Variants in SMYD3 observed in about 807,000 individuals in gnomAD.
SMYD3 encodes SET and MYND domain containing 3, also known as histone-lysine N-methyltransferase SMYD3.
Under a neutral mutation model 57.7 loss-of-function variants are expected in SMYD3, and 36 were observed. The observed-to-expected ratio is 0.62, with a 90% CI of 0.48 to 0.82. The LOEUF is 0.82. SMYD3 is among the 40% of genes least tolerant of loss of function. The probability of loss-of-function intolerance (pLI) is 0.00; values close to 1 mark genes in which losing one functional copy is unlikely to be tolerated. For missense variants in SMYD3, 515 were observed against 538.8 expected, an observed-to-expected ratio of 0.96 and a Z score of 0.44; for synonymous variants, 211 against 195.0, an observed-to-expected ratio of 1.08 and a Z score of -0.68.
chr1:245,961,044 T>C (rs541042371), intron 5 of SMYD3, among the ~76,000 whole-genome samples: 2 of 152,336 alleles, frequency 1.3e-5, no homozygotes, highest in South Asian at 2.1e-4. Context: ...AATTCTTCCA[T>C]ATGCCTTAAA....
At chr1:245,880,442 T>C (rs10924374) in intron 8 of SMYD3, among the ~76,000 whole-genome samples, 92,079 of 152,130 alleles carry the variant, frequency 0.61, 30,717 homozygotes, top group Non-Finnish European at 0.77. Context: ...TTGGTAGGAA[T>C]CATTTTCCTT....
intron 8 of SMYD3, among the ~76,000 whole-genome samples, chr1:245,886,295 G>C (rs1431731916): frequency 6.6e-6 from 1 of 151,954 alleles, no homozygotes; most frequent in Non-Finnish European, 1.5e-5. Context: ...ATCAAAACAA[G>C]AGAAAGAGAA....
chr1:245,772,350 C>T (rs1023940606), intron 10 of SMYD3, among the ~76,000 whole-genome samples: 3 of 152,202 alleles, frequency 2.0e-5, no homozygotes, highest in African/African-American at 7.2e-5. Flanking sequence ...AGGTCCTTCA[C>T]TCAAAAGGTG....
chr1:246,225,661 T>C (rs1443792802), intron 5 of SMYD3, among the ~76,000 whole-genome samples: 2 of 152,184 alleles, frequency 1.3e-5, no homozygotes, highest in African/African-American at 4.8e-5. Context: ...CCTTCTTTGT[T>C]TTCCTCTTCG....
intron 5 of SMYD3, among the ~76,000 whole-genome samples, chr1:246,265,986 C>T (rs1202535625): frequency 6.6e-6 from 1 of 152,130 alleles, no homozygotes; most frequent in Non-Finnish European, 1.5e-5. Flanking sequence ...CTTGTATTTG[C>T]TATTACAAAA....
At chr1:246,007,815 C>T (rs200647119) in intron 5 of SMYD3, among the ~76,000 whole-genome samples, 1 of 138,338 alleles carries the variant, frequency 7.2e-6, no homozygotes, top group Non-Finnish European at 1.6e-5. Context: ...AGACCCTGAC[C>T]AAAAAAAAAA....
chr1:246,017,976 C>T (rs2059405338), intron 5 of SMYD3, among the ~76,000 whole-genome samples: 1 of 152,172 alleles, frequency 6.6e-6, no homozygotes, highest in African/African-American at 2.4e-5. Context: ...AACAAGAAGA[C>T]ATCCCAGGCT....
In SMYD3 at chr1:245,817,102, A is replaced by G. The variant is rs577475376; in HGVS notation, c.1076+41394T>C. ...CTCCACCTCTGGGGGCAGGGCACAG[A>G]CAAACAAAAACACAGCAGTAACCTC... On this transcript the variant is annotated intron_variant, in intron 10 of 11. Transcript: ENST00000490107. 7.4e-3 allele frequency among the ~76,000 whole-genome samples: 1,116 copies of G among 151,480 alleles called. 11 individuals carry two copies. Among genetic ancestry groups the G allele is most frequent in the Non-Finnish European group, 0.013 (860 of 67,780 alleles).
chr1:245,940,242 G>A (rs1209199664), intron 5 of SMYD3, among the ~76,000 whole-genome samples: 2 of 152,124 alleles, frequency 1.3e-5, no homozygotes, highest in Non-Finnish European at 2.9e-5. Context: ...TGGACAAGGG[G>A]AACTCCCCCC....
intron 1 of SMYD3, among the ~76,000 whole-genome samples, chr1:246,371,168 T>C (rs67600458): frequency 0.071 from 10,743 of 152,288 alleles, 432 homozygotes; most frequent in Middle Eastern, 0.17. Context: ...ACAACACGGT[T>C]CTAAACTCTC....
At chr1:246,213,720 T>G (rs80217669) in intron 5 of SMYD3, among the ~76,000 whole-genome samples, 13,490 of 152,222 alleles carry the variant, frequency 0.089, 1,061 homozygotes, top group East Asian at 0.24. Flanking sequence ...TTCAGCATGA[T>G]GATCTTCTCA....
At chr1:246,387,309 T>C (rs535940013) in intron 1 of SMYD3, among the ~76,000 whole-genome samples, 2 of 152,332 alleles carry the variant, frequency 1.3e-5, no homozygotes, top group African/African-American at 2.4e-5. Flanking sequence ...AGACTTCTTA[T>C]CTATAACATG....
intron 1 of SMYD3, among the ~76,000 whole-genome samples, chr1:246,375,185 T>C (rs370702648): frequency 6.6e-6 from 1 of 152,328 alleles, no homozygotes; most frequent in African/African-American, 2.4e-5. Flanking sequence ...ATGTTGTGAC[T>C]AGAGGCTTTC....
At chr1:246,117,207 G>A (rs374463775) in intron 5 of SMYD3, among the ~76,000 whole-genome samples, 564 of 152,244 alleles carry the variant, frequency 3.7e-3, no homozygotes, top group Non-Finnish European at 6.3e-3. Flanking sequence ...GTAGAAATCC[G>A]AATCATGTTA....
intron 10 of SMYD3, among the ~76,000 whole-genome samples, chr1:245,785,633 G>T (rs913509764): frequency 1.3e-5 from 2 of 149,514 alleles, no homozygotes; most frequent in African/African-American, 4.9e-5. Flanking sequence ...CTCCCCCAGA[G>T]AGAGAGCGAG....
At chr1:245,961,629 C>T (rs543423847) in intron 5 of SMYD3, among the ~76,000 whole-genome samples, 48 of 151,754 alleles carry the variant, frequency 3.2e-4, no homozygotes, top group Non-Finnish European at 4.9e-4. Flanking sequence ...CATTTTTTTT[C>T]CCCACTCCAG....
intron 5 of SMYD3, among the ~76,000 whole-genome samples, chr1:245,977,001 A>AGCCCAGGGAAAGCCATCGTCTCCG (rs1558551229): frequency 7.7e-5 from 1 of 12,964 alleles, no homozygotes; most frequent in Non-Finnish European, 1.6e-4. Context: ...CATCGTCTCT[A>AGCCCAGGGAAAGCCATCGTCTCCG]GCCCAGGGAA....
chr1:246,443,001 CTG>C (rs1403036711), intron 1 of SMYD3, among the ~76,000 whole-genome samples: 1 of 152,176 alleles, frequency 6.6e-6, no homozygotes, highest in Non-Finnish European at 1.5e-5. Context: ...TTATGCTCTA[CTG>C]TATTTAAATT....
chr1:246,259,894 G>C (rs2063971418), intron 5 of SMYD3, among the ~76,000 whole-genome samples: 2 of 152,198 alleles, frequency 1.3e-5, no homozygotes, highest in South Asian at 4.1e-4. Context: ...AACCTCTTCA[G>C]CATCAACTTC....
Sources: gnomAD v4.1 joint callset for allele counts (sites outside exome capture counted in the v4.1 genomes callset) on GRCh38, gnomAD v4.1.1 for gene constraint, MANE v1.5 for transcripts, NCBI Gene and HGNC (gene_info 2026-07-23, HGNC 2026-07-21) for gene names.